Variants in JAK3 observed in about 807,000 individuals in gnomAD.
JAK3 encodes the protein tyrosine-protein kinase JAK3.
In JAK3, 88 loss-of-function variants were observed where a neutral mutation model predicts 120.8. The ratio of observed to expected loss-of-function variants is 0.73; its 90% CI spans 0.61 to 0.87. JAK3 has a LOEUF of 0.87. Ranked by LOEUF, JAK3 falls within the 40% of genes least tolerant of loss-of-function variation. The pLI, the probability that JAK3 is intolerant of heterozygous loss-of-function variation, is 0.00. For synonymous variants in JAK3, 592 were observed against 628.6 expected (o/e 0.94, Z 0.87); for missense variants, 1,254 against 1,501.4 (o/e 0.84, Z 2.72).
intron 9 of JAK3, among the ~76,000 whole-genome samples, chr19:17,839,874 G>T (rs1288111307): frequency 4.0e-5 from 6 of 151,590 alleles, no homozygotes; most frequent in African/African-American, 1.5e-4. Context: ...CCGAGTAGCT[G>T]GGACTACAGA....
At position 17,832,775 on chromosome 19, in the gene JAK3, C is replaced by G; in HGVS notation, c.2490+15G>C. ...CCCTGCCCTCTCCAACCCACCCTGG[C>G]CCTGCCCACCTTACCTTGCCCAGCT... On this transcript the variant is annotated intron_variant, in intron 18 of 23. Coordinates refer to ENST00000458235, the MANE Select transcript of JAK3 (RefSeq NM_000215.4). The surrounding 1 kb of genome is among the most constrained non-coding windows in gnomAD (Gnocchi z 4.7). 3 of 1,614,250 alleles carry G rather than the reference C, an allele frequency of 1.9e-6. No individual in the cohort carries two copies. The highest frequency in any genetic ancestry group is 2.5e-6 in the Non-Finnish European group (3 of 1,180,028).
intron 13 of JAK3, among the ~76,000 whole-genome samples, chr19:17,836,351 C>T (rs893764109): frequency 3.9e-5 from 6 of 152,034 alleles, no homozygotes; most frequent in African/African-American, 9.7e-5. Flanking sequence ...GGTGCGATCT[C>T]GGCTTACTGC....
At chr19:17,847,835 A>C (rs547747161) in intron 1 of JAK3, 111 bp downstream of exon 1, 2 of 385,392 alleles carry the variant, frequency 5.2e-6, no homozygotes, top group Admixed American at 6.2e-5. Flanking sequence ...GAGGCCTGGA[A>C]GGCGAGCTAG....
chr19:17,831,930 T>C lies in JAK3; in HGVS notation c.2681-132A>G. ...GACTGTAATATGGGAACCGCAACAA[T>C]GACACATTGCTAATATCTCTTGAGT... On this transcript the variant is annotated intron_variant, in intron 19 of 23. Coordinates refer to ENST00000458235, the MANE Select transcript of JAK3 (RefSeq NM_000215.4). This position sits in a 1 kb window ranked among gnomAD's most constrained non-coding sequence, Gnocchi z 5.1. 1 of 1,059,034 alleles carries C rather than the reference T, an allele frequency of 9.4e-7. No individual in the cohort carries two copies. 65.6% of individuals were successfully genotyped at this position (1,059,034 alleles called of 1,614,324 possible). A position where few individuals can be genotyped will look rare whatever the true frequency, so the allele number is the denominator to read the frequency against.
chr19:17,843,426 G>A lies in JAK3; in HGVS notation c.374C>T (p.Ala125Val), dbSNP rs1568407873. ...CHRFGLRKDL[A>V]SAILDLPVLE... ...GACTGGCAGGTCAAGGATAGCACTG[G>A]CCAAATCCTTGCGTAGCCCGAAGCG... Residue 125 changes from alanine (A) to valine (V), a missense_variant, in exon 4 of 24, where the codon GCC becomes GTC. Transcript: ENST00000458235. The surrounding 1 kb of genome is among the most constrained non-coding windows in gnomAD (Gnocchi z 5.4). 6 of 1,598,486 alleles carry A rather than the reference G, an allele frequency of 3.8e-6. No homozygotes were observed. The highest frequency in any genetic ancestry group is 5.1e-6 in the Non-Finnish European group (6 of 1,172,924).
At position 17,842,721 on chromosome 19, in the gene JAK3, G is replaced by A; in HGVS notation, c.567-111C>T. ...GGGGCTGGGGTGCGGCCCTAGTTGG[G>A]GCACCAGGCACACACAGACTCTCAT... On this transcript the variant is annotated intron_variant, in intron 5 of 23. Transcript: ENST00000458235. The surrounding 1 kb of genome is among the most constrained non-coding windows in gnomAD (Gnocchi z 6.4). The A allele has an allele frequency of 8.9e-7, 1 of 1,128,998 alleles. No homozygotes were observed. The highest frequency in any genetic ancestry group is 1.2e-6 in the Non-Finnish European group (1 of 811,016). The allele number at this position is 1,128,998 out of a possible 1,614,324, so 69.9% of individuals were successfully genotyped here.
chr19:17,829,747 A>G (rs1048067242), intron 23 of JAK3: 5 of 430,528 alleles, frequency 1.2e-5, no homozygotes, highest in Non-Finnish European at 2.1e-5. Context: ...GTGAGCCCCC[A>G]TCTATAAAAA....
chr19:17,844,198 C>T lies in JAK3; in HGVS notation c.184+36G>A, dbSNP rs577359494. 220 of 1,549,102 alleles carry T rather than the reference C, an allele frequency of 1.4e-4. 3 individuals are homozygous for T. In the South Asian group the frequency reaches 2.5e-3, roughly 18 times the overall value. ...AATCTTGGCCCCACACAGCCCCATC[C>T]TTCCCTCTGGCCCGATCCACTAGGG... On this transcript the variant is annotated intron_variant, in intron 2 of 23. Coordinates refer to ENST00000458235, the MANE Select transcript of JAK3 (RefSeq NM_000215.4).
At chr19:17,835,513 C>G (rs992935483) in intron 14 of JAK3, among the ~76,000 whole-genome samples, 2 of 152,194 alleles carry the variant, frequency 1.3e-5, no homozygotes, top group Non-Finnish European at 2.9e-5. Flanking sequence ...ATGAACTTCC[C>G]TTCCACACTT....
Position 17,831,503 on chromosome 19 carries a change from A to G in JAK3, c.2806-103T>C. 6.6e-7 allele frequency: 1 copy of G among 1,526,348 alleles called. No homozygotes were observed. The highest frequency in any genetic ancestry group is 8.9e-7 in the Non-Finnish European group (1 of 1,126,744). The allele number at this position is 1,526,348 out of a possible 1,614,324, so 94.6% of individuals were successfully genotyped here. Reference sequence around the variant, plus strand: ...CAACCCAGACCCCAACTATAACCCTACCCCCGAGCCATCCTCCACTGAAGT... The same window carrying G: ...CAACCCAGACCCCAACTATAACCCTGCCCCCGAGCCATCCTCCACTGAAGT... On this transcript the variant is annotated intron_variant, in intron 20 of 23. Transcript: ENST00000458235. The surrounding 1 kb of genome is among the most constrained non-coding windows in gnomAD (Gnocchi z 5.1).
At chr19:17,830,270 G>T in intron 22 of JAK3, 52 bp from the exon 23 acceptor site, 1 of 1,422,078 alleles carries the variant, frequency 7.0e-7, no homozygotes, top group South Asian at 1.2e-5. Context: ...CGTGGGTGGA[G>T]GGGGAGGGGC....
chr19:17,832,898 A>G lies in JAK3; in HGVS notation c.2382T>C (p.Gly794=). The change falls in exon 18 of 24, where the codon GGT becomes GGC. Residue 794 remains glycine (G), a synonymous_variant. Coordinates refer to ENST00000458235, the MANE Select transcript of JAK3 (RefSeq NM_000215.4). This position sits in a 1 kb window ranked among gnomAD's most constrained non-coding sequence, Gnocchi z 4.7. ...DYELLSDPTP[G]ALAPRDGLWN... ...ACAGCCCATCACGAGGTGCCAGGGC[A>G]CCAGGTGTGGGGTCTGAGAGGAGCT... 6.2e-7 allele frequency: 1 copy of G among 1,614,178 alleles called. No homozygotes were observed. Among genetic ancestry groups the G allele is most frequent in the Non-Finnish European group, 8.5e-7 (1 of 1,180,018 alleles).
In JAK3 at chr19:17,840,347, G is replaced by A. The variant is rs1193543598; in HGVS notation, c.1143-6C>T. The A allele has an allele frequency of 1.3e-6, 2 of 1,598,502 alleles. No individual in the cohort carries two copies. The highest frequency in any genetic ancestry group is 1.7e-5 in the Admixed American group (1 of 59,884). On this transcript the variant is annotated splice_region_variant and splice_polypyrimidine_tract_variant and intron_variant, in intron 8 of 23. Transcript: ENST00000458235. ...TGTTGATGGCAAAGTCCAGACTGTGGGGGAAGGTGAGAGGGAATGGGGAGG... is the reference window on the plus strand; with the variant it reads ...TGTTGATGGCAAAGTCCAGACTGTGAGGGAAGGTGAGAGGGAATGGGGAGG...
rs1162956308 is a variant in JAK3 at position 17,831,076 on chromosome 19, G to GGGC, written c.2978+149_2978+151dup. ...AGGAGCCAGTGCTGTTGAGGGGGCG[G>GGGC]GGCTCTGGGGAGTGGGAGGGGCCAA... is the stretch of plus-strand genomic sequence containing the variant. On this transcript the variant is annotated intron_variant, in intron 21 of 23. Coordinates refer to ENST00000458235, the MANE Select transcript of JAK3 (RefSeq NM_000215.4). This position sits in a 1 kb window ranked among gnomAD's most constrained non-coding sequence, Gnocchi z 5.1. 2 of 722,446 alleles carry GGGC rather than the reference G, an allele frequency of 2.8e-6. No individual in the cohort carries two copies. The highest frequency in any genetic ancestry group is 4.6e-6 in the Non-Finnish European group (2 of 437,476). The allele number at this position is 722,446 out of a possible 1,614,324, so 44.8% of individuals were successfully genotyped here.
Position 17,841,614 on chromosome 19 carries a change from G to T in JAK3, c.984+26C>A, listed in dbSNP as rs2094239081. Reference sequence around the variant, plus strand: ...CCGGTCCCGCCCTCGGGGTAAGGCTGAAGGGGAGGGGAATCCTGCACCCAC... The same window carrying T: ...CCGGTCCCGCCCTCGGGGTAAGGCTTAAGGGGAGGGGAATCCTGCACCCAC... On this transcript the variant is annotated intron_variant, in intron 7 of 23. Transcript: ENST00000458235. The surrounding 1 kb of genome is among the most constrained non-coding windows in gnomAD (Gnocchi z 4.1). 3 of 1,613,512 alleles carry T rather than the reference G, an allele frequency of 1.9e-6. No individual in the cohort carries two copies. Among genetic ancestry groups the T allele is most frequent in the Non-Finnish European group, 2.5e-6 (3 of 1,179,776 alleles).
At chr19:17,840,131 A>G (rs1176214641) in intron 9 of JAK3, 99 bp downstream of exon 9, 1 of 828,706 alleles carries the variant, frequency 1.2e-6, no homozygotes, top group African/African-American at 1.7e-5. Context: ...TTTCCCTCCT[A>G]TTCTTCAGGA....
At chr19:17,836,636 T>C (rs1415467038) in intron 13 of JAK3, 1 of 394,468 alleles carries the variant, frequency 2.5e-6, no homozygotes. Flanking sequence ...CCTCTTCCTT[T>C]CCTAATCCAC....
chr19:17,835,352 T>C, intron 14 of JAK3, 137 bp from the exon 15 acceptor site: 4 of 1,185,016 alleles, frequency 3.4e-6, no homozygotes, highest in Non-Finnish European at 4.7e-6. Context: ...ACTCCTGACA[T>C]CCTGTCTTGC....
Position 17,842,680 on chromosome 19 carries a change from C to T in JAK3, c.567-70G>A. On this transcript the variant is annotated intron_variant, in intron 5 of 23. Transcript: ENST00000458235. The surrounding 1 kb of genome is among the most constrained non-coding windows in gnomAD (Gnocchi z 6.4). ...GGGTCCCCGCGGGGACACACACAAA[C>T]CCAGGCTTTAGCCCAGGGGCTGGGG... 7.0e-7 allele frequency: 1 copy of T among 1,437,098 alleles called. No individual in the cohort carries two copies. Among genetic ancestry groups the T allele is most frequent in the Non-Finnish European group, 9.3e-7 (1 of 1,078,166 alleles). 89.0% of individuals were successfully genotyped at this position (1,437,098 alleles called of 1,614,324 possible). A position where few individuals can be genotyped will look rare whatever the true frequency, so the allele number is the denominator to read the frequency against.
Sources: allele counts gnomAD v4.1 joint callset (sites outside exome capture counted in the v4.1 genomes callset), GRCh38; gene constraint gnomAD v4.1.1; non-coding constraint Gnocchi (gnomAD v3.1); transcripts MANE v1.5; gene names NCBI Gene and HGNC (gene_info 2026-07-23, HGNC 2026-07-21).